The following CTNNA3 variants were observed in gnomAD, a reference collection of about 807,000 sequenced individuals.
CTNNA3 encodes the protein catenin alpha-3.
In CTNNA3, 76 loss-of-function variants were observed where a neutral mutation model predicts 95.7. That is an observed-to-expected ratio of 0.79 (90% confidence interval 0.66 to 0.96). The LOEUF (loss-of-function observed/expected upper bound fraction) is 0.96, where lower values mean the gene tolerates loss of function less well. Ranked by LOEUF, CTNNA3 falls within the 40% of genes least tolerant of loss-of-function variation. The probability of loss-of-function intolerance (pLI) is 0.00; values close to 1 mark genes in which losing one functional copy is unlikely to be tolerated. For synonymous variants in CTNNA3, 431 were observed against 374.4 expected, an observed-to-expected ratio of 1.15 and a Z score of -1.74; for missense variants, 1,191 against 1,089.8, an observed-to-expected ratio of 1.09 and a Z score of -1.31.
chr10:66,752,816 C>G (rs1401439316), intron 9 of CTNNA3, among the ~76,000 whole-genome samples: 21 of 151,942 alleles, frequency 1.4e-4, no homozygotes, highest in Admixed American at 1.4e-3. Context: ...ATGACATGAT[C>G]TTGTATATAG....
At chr10:66,034,067 G>T (rs2079507570) in intron 15 of CTNNA3, among the ~76,000 whole-genome samples, 1 of 152,000 alleles carries the variant, frequency 6.6e-6, no homozygotes, top group African/African-American at 2.4e-5. Context: ...AAAGAATTTA[G>T]AACAGGCTTT....
At chr10:65,961,747 C>T (rs986826750) in intron 17 of CTNNA3, among the ~76,000 whole-genome samples, 1 of 147,946 alleles carries the variant, frequency 6.8e-6, no homozygotes, top group African/African-American at 2.5e-5. Context: ...TAAGCTCTAG[C>T]GAATAGTTTG....
chr10:66,904,955 C>T (rs1845920618), intron 7 of CTNNA3, among the ~76,000 whole-genome samples: 1 of 152,164 alleles, frequency 6.6e-6, no homozygotes, highest in South Asian at 2.1e-4. Context: ...TTATGGACGA[C>T]AGTGTGGCAA....
chr10:67,130,191 CTACTAAG>C (rs1564911211), intron 7 of CTNNA3, among the ~76,000 whole-genome samples: 2 of 152,058 alleles, frequency 1.3e-5, no homozygotes, highest in Non-Finnish European at 2.9e-5. Context: ...CCTCCTTCCA[CTACTAAG>C]AGTGCCATCT....
chr10:66,510,228 G>C (rs1303864278), intron 11 of CTNNA3, among the ~76,000 whole-genome samples: 1 of 151,596 alleles, frequency 6.6e-6, no homozygotes, highest in Non-Finnish European at 1.5e-5. Flanking sequence ...AATTATTTTT[G>C]TATGTTGATT....
intron 10 of CTNNA3, among the ~76,000 whole-genome samples, chr10:66,548,066 C>T (rs1282876236): frequency 6.6e-6 from 1 of 151,994 alleles, no homozygotes; most frequent in Non-Finnish European, 1.5e-5. Context: ...CAGGCATGTG[C>T]CACCATGTCC....
At chr10:67,342,194 C>T (rs147174353) in intron 5 of CTNNA3, among the ~76,000 whole-genome samples, 2,496 of 150,184 alleles carry the variant, frequency 0.017, 66 homozygotes, top group African/African-American at 0.058. Flanking sequence ...CTCCGCCTCC[C>T]GGGTTCATGC....
At chr10:66,441,032 G>A (rs976329896) in intron 11 of CTNNA3, among the ~76,000 whole-genome samples, 1 of 152,100 alleles carries the variant, frequency 6.6e-6, no homozygotes, top group Non-Finnish European at 1.5e-5. Context: ...ACAAAAAACA[G>A]AGTAATTAAT....
intron 17 of CTNNA3, among the ~76,000 whole-genome samples, chr10:65,947,113 C>A (rs1421091291): frequency 7.3e-6 from 1 of 136,096 alleles, no homozygotes; most frequent in Admixed American, 7.9e-5. Context: ...TTGTAGAATT[C>A]ATCCATTACT....
intron 3 of CTNNA3, among the ~76,000 whole-genome samples, chr10:67,547,362 A>C (rs1449499195): frequency 1.3e-5 from 2 of 152,240 alleles, no homozygotes. Context: ...TAAAATTACC[A>C]GTTATCAATT....
chr10:66,717,159 T>C (rs769019468), intron 9 of CTNNA3, among the ~76,000 whole-genome samples: 2 of 151,976 alleles, frequency 1.3e-5, no homozygotes, highest in Non-Finnish European at 2.9e-5. Context: ...TCAGATCTAA[T>C]ATTGCAACAT....
chr10:67,176,116 AAT>A (rs1293178521), intron 7 of CTNNA3, among the ~76,000 whole-genome samples: 2 of 152,154 alleles, frequency 1.3e-5, no homozygotes, highest in Non-Finnish European at 2.9e-5. Context: ...ATTTTTAATG[AAT>A]AAAAATCCTG....
At chr10:67,643,784 C>T (rs58392072) in intron 2 of CTNNA3, among the ~76,000 whole-genome samples, 20,146 of 151,870 alleles carry the variant, frequency 0.13, 2,404 homozygotes, top group African/African-American at 0.32. Context: ...ATATGTGGCG[C>T]TTGGTTTTCT....
intron 14 of CTNNA3, among the ~76,000 whole-genome samples, chr10:66,082,467 A>T (rs933410867): frequency 6.6e-6 from 1 of 152,138 alleles, no homozygotes; most frequent in Non-Finnish European, 1.5e-5. Context: ...GAAATACCAT[A>T]CTCTAGAGGG....
intron 12 of CTNNA3, among the ~76,000 whole-genome samples, chr10:66,313,069 G>T (rs965913259): frequency 1.3e-5 from 2 of 152,202 alleles, no homozygotes; most frequent in African/African-American, 4.8e-5. Context: ...ATTGAGAAGA[G>T]AGAGAGTGTA....
intron 11 of CTNNA3, among the ~76,000 whole-genome samples, chr10:66,398,420 G>A (rs1039896623): frequency 1.3e-5 from 2 of 151,826 alleles, no homozygotes; most frequent in Non-Finnish European, 2.9e-5. Context: ...AATTGCATGG[G>A]ATCAGTGTAA....
intron 1 of CTNNA3, among the ~76,000 whole-genome samples, chr10:67,725,962 T>A (rs1841209587): frequency 9.0e-6 from 1 of 110,720 alleles, no homozygotes; most frequent in South Asian, 2.7e-4. Context: ...GTATATATAA[T>A]ATATATGTAA....
intron 7 of CTNNA3, among the ~76,000 whole-genome samples, chr10:66,891,970 A>G (rs1359227008): frequency 1.3e-5 from 2 of 152,152 alleles, no homozygotes; most frequent in African/African-American, 4.8e-5. Flanking sequence ...ATTGCCAAAC[A>G]TGTAACCTTG....
intron 5 of CTNNA3, among the ~76,000 whole-genome samples, chr10:67,456,135 A>G (rs1373536112): frequency 6.6e-6 from 1 of 152,172 alleles, no homozygotes; most frequent in Non-Finnish European, 1.5e-5. Context: ...ACAAATCAAA[A>G]TGGAAGAGAA....
Sources: gnomAD v4.1 joint callset for allele counts (sites outside exome capture counted in the v4.1 genomes callset) on GRCh38, gnomAD v4.1.1 for gene constraint, MANE v1.5 for transcripts, NCBI Gene and HGNC (gene_info 2026-07-23, HGNC 2026-07-21) for gene names.